EFCAB12: variants seen among roughly 807,000 people sequenced by gnomAD.
The protein encoded by EFCAB12 is EF-hand calcium-binding domain-containing protein 12.
A neutral mutation model predicts 53.6 loss-of-function variants in EFCAB12; 43 were observed. The ratio of observed to expected loss-of-function variants is 0.80; its 90% CI spans 0.63 to 1.03. EFCAB12 has a LOEUF of 1.03. Ranked by LOEUF, EFCAB12 falls within the 50% of genes least tolerant of loss-of-function variation. The probability of loss-of-function intolerance (pLI) is 0.00; values close to 1 mark genes in which losing one functional copy is unlikely to be tolerated. For synonymous variants in EFCAB12, 269 were observed against 289.2 expected (o/e 0.93, Z 0.71); for missense variants, 646 against 730.6 (o/e 0.88, Z 1.34).
intron 4 of EFCAB12, 30 bp downstream of exon 4, chr3:129,415,215 T>G: frequency 6.4e-7 from 1 of 1,552,216 alleles, no homozygotes. Context: ...GACGGGGAGG[T>G]GGAGGCACAG....
chr3:129,409,006 T>C, intron 5 of EFCAB12, 148 bp from the exon 6 acceptor site: 1 of 837,144 alleles, frequency 1.2e-6, no homozygotes, highest in South Asian at 1.7e-5. Flanking sequence ...GGGGCTGCAG[T>C]TCCGGTTCTG....
In EFCAB12 at chr3:129,401,860, CAAG is replaced by C; in HGVS notation, c.1461-12_1461-10del. On this transcript the variant is annotated splice_polypyrimidine_tract_variant and intron_variant, in intron 8 of 8. Coordinates refer to ENST00000505956, the MANE Select transcript of EFCAB12 (RefSeq NM_207307.3). ...TCTTCACCTTCAGCTTCCTGGAAAA[CAAG>C]AAGACACAGGGATGGTTGTCATGGC... The C allele has an allele frequency of 1.2e-6, 2 of 1,609,334 alleles. No individual in the cohort carries two copies. Among genetic ancestry groups the C allele is most frequent in the Admixed American group, 1.7e-5 (1 of 59,782 alleles).
At position 129,408,744 on chromosome 3, in the gene EFCAB12, T is replaced by C; in HGVS notation, c.1150A>G (p.Ile384Val). 1 of 1,584,314 alleles carries C rather than the reference T, an allele frequency of 6.3e-7. No individual in the cohort carries two copies. Among genetic ancestry groups the C allele is most frequent in the Non-Finnish European group, 8.6e-7 (1 of 1,164,006 alleles). Residue 384 changes from isoleucine to valine, a missense_variant, in exon 6 of 9, where the codon ATT (isoleucine) becomes GTT (valine). Transcript: ENST00000505956. ...STIHGDMREL[I>V]DSARRHNFLV... ...AAGTTGTGCCTGCGGGCCGAGTCAA[T>C]GAGCTCCCTCATATCCCCGTGGATG...
intron 1 of EFCAB12, among the ~76,000 whole-genome samples, chr3:129,423,433 C>T (rs185803253): frequency 6.6e-6 from 1 of 151,462 alleles, no homozygotes; most frequent in Non-Finnish European, 1.5e-5. Context: ...TCAAGGCCAG[C>T]CTGGGCAAAA....
At position 129,404,261 on chromosome 3, in the gene EFCAB12, CT is replaced by C. The variant is rs749419016; in HGVS notation, c.1391del (p.Lys464ArgfsTer26). ...GTCCGAAACTCAGCTTGTCAGTCCT[CT>C]TAGACTTGCCAGGGCCCTGGGACCG... ...LLRSQGPGKSKRTDKKTPKKS... is the reference protein window; with the variant it reads ...LLRSQGPGKSXRTDKKTPKKS... On this transcript the variant is annotated frameshift_variant, in exon 7 of 9. Coordinates refer to ENST00000505956, the MANE Select transcript of EFCAB12 (RefSeq NM_207307.3). LOFTEE classifies it high-confidence loss of function. 138 of 1,613,380 alleles carry C rather than the reference CT, an allele frequency of 8.6e-5. No individual in the cohort carries two copies. Among genetic ancestry groups the C allele is most frequent in the Non-Finnish European group, 1.1e-4 (126 of 1,179,618 alleles).
intron 1 of EFCAB12, 36 bp from the exon 2 acceptor site, chr3:129,421,839 T>C (rs780417752): frequency 1.9e-6 from 3 of 1,566,400 alleles, no homozygotes; most frequent in Admixed American, 3.7e-5. Context: ...AGTTTCTCTC[T>C]GGAAGAGGAC....
chr3:129,411,080 G>C (rs1577042038), intron 5 of EFCAB12, 78 bp downstream of exon 5: 1 of 1,467,160 alleles, frequency 6.8e-7, no homozygotes, highest in East Asian at 2.5e-5. Flanking sequence ...GCAGCCAGCG[G>C]GTGGTGCTGC....
At chr3:129,422,543 G>A (rs765750819) in intron 1 of EFCAB12, among the ~76,000 whole-genome samples, 2 of 151,954 alleles carry the variant, frequency 1.3e-5, no homozygotes, top group Non-Finnish European at 2.9e-5. Flanking sequence ...GGGTTGGCAC[G>A]TGCTCCTCCC....
intron 1 of EFCAB12, among the ~76,000 whole-genome samples, chr3:129,423,560 C>CA (rs1330980619): frequency 1.3e-5 from 2 of 152,032 alleles, no homozygotes; most frequent in Non-Finnish European, 2.9e-5. Flanking sequence ...CCTGGGAGGT[C>CA]AAGGCTACAG....
At chr3:129,410,380 G>A (rs891875210) in intron 5 of EFCAB12, among the ~76,000 whole-genome samples, 5 of 150,410 alleles carry the variant, frequency 3.3e-5, no homozygotes, top group South Asian at 4.2e-4. Flanking sequence ...CCAGTGGTGC[G>A]ATCTTAGCTC....
In EFCAB12 at chr3:129,404,393, G is replaced by A. The variant is rs761490285; in HGVS notation, c.1260C>T (p.Tyr420=). The change falls in exon 7 of 9, where the codon TAC becomes TAT. Residue 420 remains tyrosine, a synonymous_variant. Coordinates refer to ENST00000505956, the MANE Select transcript of EFCAB12 (RefSeq NM_207307.3). The part of the protein sequence containing the change: ...TEDILMKALL[Y]PGDKIIFQMD... Reference sequence around the variant, plus strand: ...TCTGGAAAATGATCTTGTCTCCTGGGTACAGCAAGGCTGTGGACAGCAAGA... The same window carrying A: ...TCTGGAAAATGATCTTGTCTCCTGGATACAGCAAGGCTGTGGACAGCAAGA... 1 of 1,613,170 alleles carries A rather than the reference G, an allele frequency of 6.2e-7. No homozygotes were observed. The highest frequency in any genetic ancestry group is 8.5e-7 in the Non-Finnish European group (1 of 1,179,590).
intron 5 of EFCAB12, among the ~76,000 whole-genome samples, chr3:129,410,507 A>G (rs117754746): frequency 0.018 from 2,671 of 152,170 alleles, 92 homozygotes; most frequent in East Asian, 0.13. Context: ...TTGTAGAGAC[A>G]GGATCTCCCT....
rs193005470 is a variant in EFCAB12 at position 129,425,411 on chromosome 3, C to G, written c.49+3029G>C. ...CTTGTCACCTCCCAGCCCCCGCCCC[C>G]TCACTCATGTGGTCCCAGCTGCTGT... On this transcript the variant is annotated intron_variant, in intron 1 of 8. Transcript: ENST00000505956. Among the ~76,000 whole-genome samples, 293 of 152,324 alleles carry G rather than the reference C, an allele frequency of 1.9e-3. 1 individual carries two copies. The highest frequency in any genetic ancestry group is 6.1e-3 in the African/African-American group (252 of 41,574).
chr3:129,402,685 A>G, intron 7 of EFCAB12, 106 bp from the exon 8 acceptor site: 1 of 1,082,030 alleles, frequency 9.2e-7, no homozygotes. Flanking sequence ...TCTAAGTCTC[A>G]AACGAGAGCT....
intron 3 of EFCAB12, among the ~76,000 whole-genome samples, chr3:129,416,902 T>C (rs2072122554): frequency 6.6e-6 from 1 of 152,182 alleles, no homozygotes; most frequent in Admixed American, 6.5e-5. Context: ...TCTTCTCACT[T>C]TGGCCTTCCA....
At chr3:129,419,863 C>T (rs768024706) in intron 2 of EFCAB12, among the ~76,000 whole-genome samples, 9 of 152,224 alleles carry the variant, frequency 5.9e-5, no homozygotes, top group Non-Finnish European at 1.0e-4. Context: ...CAGTGTATCC[C>T]CATCTCCCAC....
intron 5 of EFCAB12, 56 bp downstream of exon 5, chr3:129,411,102 G>T: frequency 6.6e-7 from 1 of 1,526,496 alleles, no homozygotes; most frequent in South Asian, 1.2e-5. Context: ...GCGGTGATCT[G>T]AACCCCAGCT....
chr3:129,418,181 G>T, intron 3 of EFCAB12, 73 bp downstream of exon 3: 2 of 1,382,448 alleles, frequency 1.4e-6, no homozygotes, highest in East Asian at 2.5e-5. Flanking sequence ...GGGGAGGGGC[G>T]GGGGTGGCAA....
rs1300216148 is a variant in EFCAB12 at position 129,401,790 on chromosome 3, C to T, written c.1522G>A (p.Gly508Ser). The change falls in exon 9 of 9, where the codon GGT becomes AGT. Residue 508 changes from glycine (G) to serine (S), a missense_variant. Gly to Ser is a moderately conservative substitution (Grantham distance 56). Coordinates refer to ENST00000505956, the MANE Select transcript of EFCAB12 (RefSeq NM_207307.3). Reference sequence around the variant, plus strand: ...AGCTGCAGCTTATCCAGAAGATGACCCGGCCAGAAGGAATTGGGGTGTGTT... The same window carrying T: ...AGCTGCAGCTTATCCAGAAGATGACTCGGCCAGAAGGAATTGGGGTGTGTT... ...QQTHPNSFWP[G>S]HLLDKLQLYL... 6.2e-6 allele frequency: 10 copies of T among 1,612,720 alleles called. No homozygotes were observed. The highest frequency in any genetic ancestry group is 8.5e-6 in the Non-Finnish European group (10 of 1,179,344).
Sources: allele counts gnomAD v4.1 joint callset (sites outside exome capture counted in the v4.1 genomes callset), GRCh38; gene constraint gnomAD v4.1.1; transcripts MANE v1.5; gene names NCBI Gene and HGNC (gene_info 2026-07-23, HGNC 2026-07-21).